SCFD2: variants seen among roughly 807,000 people sequenced by gnomAD.
SCFD2 encodes the protein sec1 family domain-containing protein 2.
A neutral mutation model predicts 58.9 loss-of-function variants in SCFD2; 54 were observed. The observed-to-expected ratio is 0.92, with a 90% CI of 0.74 to 1.15. The LOEUF (loss-of-function observed/expected upper bound fraction) is 1.15. SCFD2 is among the 50% of genes most tolerant of loss of function. The probability of loss-of-function intolerance (pLI) is 0.00; values close to 1 mark genes in which losing one functional copy is unlikely to be tolerated. For missense variants in SCFD2, 805 were observed against 836.6 expected, an observed-to-expected ratio of 0.96 and a Z score of 0.47; for synonymous variants, 321 against 335.9, an observed-to-expected ratio of 0.96 and a Z score of 0.49.
intron 4 of SCFD2, among the ~76,000 whole-genome samples, chr4:53,246,067 C>T (rs1361020855): frequency 6.6e-6 from 1 of 151,938 alleles, no homozygotes; most frequent in Non-Finnish European, 1.5e-5. Context: ...AAGCGGAGAG[C>T]CAAATCAGAA....
chr4:53,238,547 G>T (rs1158818977), intron 4 of SCFD2, among the ~76,000 whole-genome samples: 1 of 150,904 alleles, frequency 6.6e-6, no homozygotes, highest in Non-Finnish European at 1.5e-5. Context: ...GGGCGGAGAC[G>T]CTCCTCACTT....
chr4:53,325,244 A>G (rs1255718957), intron 2 of SCFD2, among the ~76,000 whole-genome samples: 2 of 151,978 alleles, frequency 1.3e-5, no homozygotes, highest in Non-Finnish European at 2.9e-5. Flanking sequence ...AAAAAAGAGA[A>G]GACTCACTGC....
intron 5 of SCFD2, among the ~76,000 whole-genome samples, chr4:53,060,297 G>C (rs991552553): frequency 6.9e-6 from 1 of 144,362 alleles, no homozygotes; most frequent in Non-Finnish European, 1.5e-5. Context: ...AGGTAACTGG[G>C]CTGGGGTAGG....
intron 4 of SCFD2, among the ~76,000 whole-genome samples, chr4:53,199,104 G>C (rs188980023): frequency 2.3e-4 from 35 of 152,048 alleles, no homozygotes; most frequent in African/African-American, 5.8e-4. Context: ...TAGTTTGAGG[G>C]GCCAAGGTTC....
At chr4:53,114,693 T>C (rs1725270992) in intron 5 of SCFD2, among the ~76,000 whole-genome samples, 1 of 152,150 alleles carries the variant, frequency 6.6e-6, no homozygotes, top group Admixed American at 6.6e-5. Context: ...CTTCAGGAAG[T>C]TCTTCAGATT....
At chr4:52,934,835 T>C (rs187848441) in intron 5 of SCFD2, among the ~76,000 whole-genome samples, 82 of 152,344 alleles carry the variant, frequency 5.4e-4, no homozygotes, top group African/African-American at 2.0e-3. Flanking sequence ...ATGTGTTTGA[T>C]TTATTGATAA....
intron 4 of SCFD2, among the ~76,000 whole-genome samples, chr4:53,184,642 G>T (rs1229262569): frequency 6.6e-6 from 1 of 152,082 alleles, no homozygotes; most frequent in African/African-American, 2.4e-5. Flanking sequence ...TATCTACTCT[G>T]TTTGTCCAAA....
At chr4:53,095,723 A>AT (rs146571735) in intron 5 of SCFD2, among the ~76,000 whole-genome samples, 33 of 148,942 alleles carry the variant, frequency 2.2e-4, no homozygotes, top group African/African-American at 2.9e-4. Flanking sequence ...TCTCTTGCTC[A>AT]TTTTTTTTTT....
At position 53,071,715 on chromosome 4, in the gene SCFD2, AG is replaced by A. The variant is rs375839279; in HGVS notation, c.1561+73617del. 1.4e-4 allele frequency among the ~76,000 whole-genome samples: 21 copies of A among 152,226 alleles called. No individual in the cohort carries two copies. In the East Asian group the frequency reaches 3.7e-3, roughly 27 times the overall value. ...ATTCCAATGACTGTAGTACATGTAC[AG>A]GTATCCTCCAGTTTTGTAAAAAAAA... On this transcript the variant is annotated intron_variant, in intron 5 of 8. Coordinates refer to ENST00000401642, the MANE Select transcript of SCFD2 (RefSeq NM_152540.4).
At chr4:53,045,332 A>G (rs1256194096) in intron 5 of SCFD2, among the ~76,000 whole-genome samples, 1 of 152,148 alleles carries the variant, frequency 6.6e-6, no homozygotes, top group Non-Finnish European at 1.5e-5. Flanking sequence ...TTGCTTTTCT[A>G]ACCCCATAAG....
intron 5 of SCFD2, among the ~76,000 whole-genome samples, chr4:52,938,371 T>C (rs1348422400): frequency 1.3e-5 from 2 of 152,158 alleles, no homozygotes; most frequent in African/African-American, 4.8e-5. Flanking sequence ...AAATGTTATG[T>C]TTTTACTATT....
intron 5 of SCFD2, among the ~76,000 whole-genome samples, chr4:52,970,451 G>A (rs1317092402): frequency 6.6e-6 from 1 of 152,208 alleles, no homozygotes; most frequent in African/African-American, 2.4e-5. Context: ...AAACTGCAAG[G>A]TGGCAGCGAG....
At chr4:53,334,302 G>A (rs1015427946) in intron 2 of SCFD2, among the ~76,000 whole-genome samples, 13 of 152,074 alleles carry the variant, frequency 8.5e-5, no homozygotes, top group East Asian at 1.9e-4. Flanking sequence ...ACAAGCACAC[G>A]TATGTTTATT....
At chr4:53,141,808 A>G (rs1278076912) in intron 5 of SCFD2, among the ~76,000 whole-genome samples, 1 of 152,142 alleles carries the variant, frequency 6.6e-6, no homozygotes, top group Non-Finnish European at 1.5e-5. Context: ...GCAAGCCTGG[A>G]GTTCTGATGT....
At chr4:53,197,221 A>G (rs1175834934) in intron 4 of SCFD2, among the ~76,000 whole-genome samples, 4 of 152,170 alleles carry the variant, frequency 2.6e-5, no homozygotes, top group Non-Finnish European at 5.9e-5. Context: ...TTATACTATT[A>G]TTCTAGAGTT....
intron 4 of SCFD2, among the ~76,000 whole-genome samples, chr4:53,145,910 A>G (rs912999076): frequency 2.0e-5 from 3 of 152,342 alleles, no homozygotes; most frequent in African/African-American, 4.8e-5. Flanking sequence ...GAAAAATAGT[A>G]TATTTGTAAG....
At chr4:53,104,264 T>C (rs1724921896) in intron 5 of SCFD2, among the ~76,000 whole-genome samples, 2 of 152,200 alleles carry the variant, frequency 1.3e-5, no homozygotes, top group Non-Finnish European at 2.9e-5. Flanking sequence ...ATACTCTTGA[T>C]ACGATGTAAT....
At chr4:53,237,046 C>T (rs560311011) in intron 4 of SCFD2, among the ~76,000 whole-genome samples, 4 of 148,872 alleles carry the variant, frequency 2.7e-5, no homozygotes, top group Admixed American at 6.7e-5. Flanking sequence ...TGACTCTTAA[C>T]GAGCATGCTG....
intron 2 of SCFD2, among the ~76,000 whole-genome samples, chr4:53,338,826 C>G (rs541658830): frequency 2.0e-4 from 30 of 151,610 alleles, no homozygotes; most frequent in Non-Finnish European, 3.8e-4. Flanking sequence ...GTGATCCGCC[C>G]GCCTCGGCCT....
Sources: allele counts gnomAD v4.1 joint callset (sites outside exome capture counted in the v4.1 genomes callset), GRCh38; gene constraint gnomAD v4.1.1; transcripts MANE v1.5; gene names NCBI Gene and HGNC (gene_info 2026-07-23, HGNC 2026-07-21).